Variants in CSMD2 observed in about 807,000 individuals in gnomAD.
CSMD2 encodes CUB and sushi domain-containing protein 2.
Under a neutral mutation model 398.5 loss-of-function variants are expected in CSMD2, and 130 were observed. The ratio of observed to expected loss-of-function variants is 0.33; its 90% CI spans 0.28 to 0.38. CSMD2 has a LOEUF of 0.38. CSMD2 is among the 10% of genes least tolerant of loss of function. The pLI is 1.00. For missense variants in CSMD2, 3,829 were observed against 4,764.9 expected, an observed-to-expected ratio of 0.80 and a Z score of 5.78; for synonymous variants, 1,828 against 1,908.5, an observed-to-expected ratio of 0.96 and a Z score of 1.10.
Position 33,739,269 on chromosome 1 carries a change from G to T in CSMD2, c.2239C>A (p.Leu747Ile). The change falls in exon 15 of 71, where the codon CTC (leucine) becomes ATC (isoleucine). Residue 747 changes from leucine to isoleucine, a missense_variant. By Grantham distance (5) the Leu-to-Ile change is conservative. Coordinates refer to ENST00000373381, the MANE Select transcript of CSMD2 (RefSeq NM_001281956.2). ...PVNGKRFGDS[L>I]QLGSSISFLC... The stretch of plus-strand genomic sequence containing the variant: ...AAGGAGATGGAGCTGCCCAGCTGGA[G>T]GCTGTCCCCAAACCGTTTGCCATTT... 1.2e-6 allele frequency: 2 copies of T among 1,614,212 alleles called. No homozygotes were observed. Among genetic ancestry groups the T allele is most frequent in the Non-Finnish European group, 1.7e-6 (2 of 1,180,030 alleles).
At chr1:33,966,526 A>G (rs868266641) in intron 3 of CSMD2, among the ~76,000 whole-genome samples, 18 of 152,190 alleles carry the variant, frequency 1.2e-4, no homozygotes, top group Non-Finnish European at 1.6e-4. Context: ...ACTCCTGTAA[A>G]GTGATAAGAA....
intron 3 of CSMD2, among the ~76,000 whole-genome samples, chr1:34,032,154 T>C (rs998868706): frequency 3.3e-5 from 5 of 152,206 alleles, no homozygotes; most frequent in Admixed American, 2.6e-4. Flanking sequence ...ATTGTTCTTC[T>C]CTGAATGATA....
chr1:33,764,522 C>T (rs1372178118), intron 13 of CSMD2, among the ~76,000 whole-genome samples: 3 of 152,168 alleles, frequency 2.0e-5, no homozygotes. Flanking sequence ...GACTGGATAA[C>T]AGAGGGAGGG....
At chr1:33,965,612 T>C (rs1645529278) in intron 3 of CSMD2, among the ~76,000 whole-genome samples, 2 of 152,200 alleles carry the variant, frequency 1.3e-5, no homozygotes, top group Admixed American at 1.3e-4. Context: ...ATTAGACATC[T>C]AGGCACAACA....
chr1:33,561,852 G>A (rs1658580496), intron 53 of CSMD2, among the ~76,000 whole-genome samples: 1 of 152,164 alleles, frequency 6.6e-6, no homozygotes, highest in Admixed American at 6.5e-5. Context: ...GCAAGGCACT[G>A]GGTGTTTGCA....
chr1:33,737,732 G>C (rs530069630), intron 15 of CSMD2, among the ~76,000 whole-genome samples: 2 of 152,144 alleles, frequency 1.3e-5, no homozygotes, highest in Non-Finnish European at 2.9e-5. Flanking sequence ...TCATTTATTC[G>C]GTGACTCATC....
intron 20 of CSMD2, among the ~76,000 whole-genome samples, chr1:33,715,578 A>G (rs1180845852): frequency 6.6e-6 from 1 of 152,156 alleles, no homozygotes; most frequent in Non-Finnish European, 1.5e-5. Flanking sequence ...TGACTTCTGC[A>G]TTGGAGGCCT....
At chr1:33,661,093 G>A (rs1316303267) in intron 26 of CSMD2, among the ~76,000 whole-genome samples, 2 of 152,196 alleles carry the variant, frequency 1.3e-5, no homozygotes, top group African/African-American at 2.4e-5. Context: ...TACAGCATAG[G>A]AGAGCACCCA....
At chr1:33,972,829 A>G (rs1349147677) in intron 3 of CSMD2, among the ~76,000 whole-genome samples, 2 of 152,170 alleles carry the variant, frequency 1.3e-5, no homozygotes, top group Admixed American at 6.5e-5. Flanking sequence ...GCCATAGGAA[A>G]CCAACACACA....
In CSMD2 at chr1:33,734,954, T is replaced by A. The variant is rs138684316; in HGVS notation, c.2368+4186A>T. Among the ~76,000 whole-genome samples the A allele has an allele frequency of 1.8e-4, 28 of 152,338 alleles. No homozygotes were observed. In the East Asian group the frequency reaches 5.0e-3, roughly 27 times the overall value. ...ATTATCATAACTGATATGTTTGTCT[T>A]CTGCTGTCATTTTGTTTCATGCTGT... On this transcript the variant is annotated intron_variant, in intron 15 of 70. Coordinates refer to ENST00000373381, the MANE Select transcript of CSMD2 (RefSeq NM_001281956.2).
At chr1:33,850,690 G>A (rs988554423) in intron 5 of CSMD2, among the ~76,000 whole-genome samples, 2 of 152,100 alleles carry the variant, frequency 1.3e-5, no homozygotes, top group African/African-American at 2.4e-5. Flanking sequence ...GGAATTCCAA[G>A]TTCACCCAGA....
At chr1:33,824,272 G>T (rs577161203) in intron 7 of CSMD2, among the ~76,000 whole-genome samples, 1 of 152,266 alleles carries the variant, frequency 6.6e-6, no homozygotes, top group African/African-American at 2.4e-5. Flanking sequence ...GAGGGTCAGG[G>T]CCATGGCTTG....
chr1:33,963,544 C>G (rs1046904268), intron 3 of CSMD2, among the ~76,000 whole-genome samples: 1 of 152,128 alleles, frequency 6.6e-6, no homozygotes, highest in Non-Finnish European at 1.5e-5. Context: ...CTGGACCCAC[C>G]CCATGCAGTC....
At position 33,521,622 on chromosome 1, in the gene CSMD2, C is replaced by A; in HGVS notation, c.10510-72G>T. On this transcript the variant is annotated intron_variant, in intron 67 of 70. Transcript: ENST00000373381. Reference sequence around the variant, plus strand: ...GATCTAGAACTCCTCTCTCATCATACACGCTGCCCAGCAGGTCACCCACTG... The same window carrying A: ...GATCTAGAACTCCTCTCTCATCATAAACGCTGCCCAGCAGGTCACCCACTG... 7.2e-6 allele frequency: 7 copies of A among 969,346 alleles called. No homozygotes were observed. The South Asian group carries it at 9.0e-5, about 13-fold the overall frequency. The allele number at this position is 969,346 out of a possible 1,614,324, so 60.0% of individuals were successfully genotyped here. A position where few individuals can be genotyped will look rare whatever the true frequency, so the allele number is the denominator to read the frequency against.
At position 34,080,452 on chromosome 1, in the gene CSMD2, C is replaced by CA. The variant is rs1265345916; in HGVS notation, c.404+8524dup. The stretch of plus-strand genomic sequence containing the variant: ...AATATCTTTCTTCATAGAATACTGA[C>CA]AAAAAATGATCTTATACAGAGGGAA... On this transcript the variant is annotated intron_variant, in intron 2 of 70. Transcript: ENST00000373381. 6.6e-5 allele frequency among the ~76,000 whole-genome samples: 10 copies of CA among 152,024 alleles called. No individual in the cohort carries two copies. The East Asian group carries it at 1.2e-3, about 18-fold the overall frequency.
intron 13 of CSMD2, among the ~76,000 whole-genome samples, chr1:33,758,785 G>A (rs564652878): frequency 5.9e-5 from 9 of 152,236 alleles, no homozygotes; most frequent in East Asian, 1.9e-4. Flanking sequence ...TGGACATGAC[G>A]TAGGCATTTC....
rs1438192377 is a variant in CSMD2 at position 33,652,418 on chromosome 1, G to A, written c.4491C>T (p.Leu1497=). Residue 1497 remains leucine, a synonymous_variant, in exon 28 of 71, where the codon CTC becomes CTT. Coordinates refer to ENST00000373381, the MANE Select transcript of CSMD2 (RefSeq NM_001281956.2). ...GDLTGPSGVI[L]SPNYPEPYPP... The stretch of plus-strand genomic sequence containing the variant: ...GGTAGGGTTCTGGGTAATTTGGTGA[G>A]AGGATGACTCCAGATGGTCCTGTCA... 1 of 1,614,192 alleles carries A rather than the reference G, an allele frequency of 6.2e-7. No individual in the cohort carries two copies. The highest frequency in any genetic ancestry group is 2.2e-5 in the East Asian group (1 of 44,884).
intron 1 of CSMD2, among the ~76,000 whole-genome samples, chr1:34,102,679 A>C (rs1660093722): frequency 7.1e-6 from 1 of 141,530 alleles, no homozygotes. Context: ...ATCCGGCCAT[A>C]TCCCTGTAAT....
chr1:33,949,880 G>T (rs114750986), intron 3 of CSMD2, among the ~76,000 whole-genome samples: 1,846 of 152,160 alleles, frequency 0.012, 38 homozygotes, highest in African/African-American at 0.042. Context: ...CTACTTTCGG[G>T]CTTCTCTAAG....
Sources: gnomAD v4.1 joint callset for allele counts (sites outside exome capture counted in the v4.1 genomes callset) on GRCh38, gnomAD v4.1.1 for gene constraint, MANE v1.5 for transcripts, NCBI Gene and HGNC (gene_info 2026-07-23, HGNC 2026-07-21) for gene names.